The following SHISA9 variants were observed in gnomAD, a reference collection of about 807,000 sequenced individuals.
SHISA9 encodes the protein shisa family member 9.
Under a neutral mutation model 38.0 loss-of-function variants are expected in SHISA9, and 13 were observed. That is an observed-to-expected ratio of 0.34 (90% CI 0.22 to 0.54). SHISA9 has a LOEUF of 0.54. SHISA9 is among the 20% of genes least tolerant of loss of function. SHISA9 has a pLI of 0.91. For missense variants in SHISA9, 538 were observed against 575.8 expected (o/e 0.93, Z 0.67); for synonymous variants, 275 against 242.0 (o/e 1.14, Z -1.27).
the SHISA9 span, among the ~76,000 whole-genome samples, chr16:13,530,770 G>C: frequency 2.0e-5 from 3 of 152,122 alleles, no homozygotes; most frequent in Admixed American, 1.3e-4. Context: ...GCTTGCGGGA[G>C]GCCAACCTGA....
At chr16:13,351,756 C>A in the SHISA9 span, among the ~76,000 whole-genome samples, 1 of 152,136 alleles carries the variant, frequency 6.6e-6, no homozygotes, top group African/African-American at 2.4e-5. Context: ...TCTGATTGCT[C>A]GATATTTCAG....
rs1452287451 is a variant in SHISA9, at chr16:12,927,281, A to C, written c.691+10466A>C. The stretch of plus-strand genomic sequence containing the variant: ...TCTGAGAATGCAGTTAATGAAACTA[A>C]GTATAATCATAATCTGAATATTTCA... On this transcript the variant is annotated intron_variant, in intron 2 of 4. Coordinates refer to ENST00000558583, the MANE Select transcript of SHISA9 (RefSeq NM_001145204.3). Among the ~76,000 whole-genome samples, 3 of 152,234 alleles carry C rather than the reference A, an allele frequency of 2.0e-5. No homozygotes were observed. In the East Asian group the frequency reaches 5.8e-4, roughly 29 times the overall value.
intron 2 of SHISA9, among the ~76,000 whole-genome samples, chr16:13,058,456 T>A (rs2073335480): frequency 6.6e-6 from 1 of 152,162 alleles, no homozygotes; most frequent in Non-Finnish European, 1.5e-5. Context: ...ATGAGGCTCT[T>A]TACACTACTT....
intron 2 of SHISA9, among the ~76,000 whole-genome samples, chr16:13,119,790 A>G (rs7204009): frequency 0.11 from 17,498 of 152,200 alleles, 1,896 homozygotes; most frequent in African/African-American, 0.28. Context: ...ACATGTTACC[A>G]AGTTCTTGGC....
chr16:13,127,282 GAA>G (rs1330218299), intron 2 of SHISA9, among the ~76,000 whole-genome samples: 1 of 140,204 alleles, frequency 7.1e-6, no homozygotes, highest in East Asian at 2.3e-4. Context: ...GGGAGGGAGA[GAA>G]AGAGATGGAG....
chr16:13,027,419 C>T (rs368531819), intron 2 of SHISA9, among the ~76,000 whole-genome samples: 5 of 152,278 alleles, frequency 3.3e-5, no homozygotes, highest in South Asian at 4.2e-4. Flanking sequence ...ACTTAGCATG[C>T]AACCCAGCAA....
the SHISA9 span, among the ~76,000 whole-genome samples, chr16:13,505,602 C>T: frequency 6.6e-6 from 1 of 152,242 alleles, no homozygotes; most frequent in African/African-American, 2.4e-5. Context: ...GGTTCACAGT[C>T]TACAATACTT....
rs538479312 is a variant in SHISA9, at chr16:12,963,279, T to C, written c.691+46464T>C. On this transcript the variant is annotated intron_variant, in intron 2 of 4. Transcript: ENST00000558583. Reference sequence around the variant, plus strand: ...GAGTGCATCTCTGCAGGACCCAGTATTGGGGGTGGAAGGAGATGTAAACAA... The same window carrying C: ...GAGTGCATCTCTGCAGGACCCAGTACTGGGGGTGGAAGGAGATGTAAACAA... Among the ~76,000 whole-genome samples, 57 of 152,260 alleles carry C rather than the reference T, an allele frequency of 3.7e-4. 1 individual carries two copies. The highest frequency in any genetic ancestry group is 1.5e-5 in the Non-Finnish European group (1 of 68,022).
the SHISA9 span, among the ~76,000 whole-genome samples, chr16:13,445,344 A>G: frequency 2.0e-5 from 3 of 152,102 alleles, no homozygotes; most frequent in Non-Finnish European, 2.9e-5. Context: ...AAACAGTTAA[A>G]TTTGAATGAA....
chr16:13,311,430 C>A, the SHISA9 span, among the ~76,000 whole-genome samples: 1 of 152,046 alleles, frequency 6.6e-6, no homozygotes, highest in East Asian at 1.9e-4. Flanking sequence ...CCCTAAATAG[C>A]TTTTACAAAT....
chr16:12,902,033 G>C lies in SHISA9; in HGVS notation c.-32G>C. 1 of 1,429,144 alleles carries C rather than the reference G, an allele frequency of 7.0e-7. No homozygotes were observed. Among genetic ancestry groups the C allele is most frequent in the Non-Finnish European group, 9.1e-7 (1 of 1,098,266 alleles). 88.5% of individuals were successfully genotyped at this position (1,429,144 alleles called of 1,614,324 possible). ...GGCGGCCGCAGAGGCTCCAGCGGCG[G>C]CCGAGCGGCCGAGCCCGGGCTGGGA... On this transcript the variant is annotated 5_prime_UTR_variant, in exon 1 of 5. Coordinates refer to ENST00000558583, the MANE Select transcript of SHISA9 (RefSeq NM_001145204.3).
chr16:13,230,471 T>G (rs750228380), intron 4 of SHISA9, among the ~76,000 whole-genome samples: 6 of 152,140 alleles, frequency 3.9e-5, no homozygotes, highest in Non-Finnish European at 8.8e-5. Context: ...GAGAAGAGGA[T>G]AATGGAGTCA....
the SHISA9 span, among the ~76,000 whole-genome samples, chr16:13,390,642 G>C: frequency 6.6e-6 from 1 of 152,108 alleles, no homozygotes; most frequent in African/African-American, 2.4e-5. Context: ...AGTCTCATCT[G>C]TCAACATGCT....
chr16:13,288,939 G>T, the SHISA9 span, among the ~76,000 whole-genome samples: 1 of 152,150 alleles, frequency 6.6e-6, no homozygotes, highest in Non-Finnish European at 1.5e-5. Context: ...AAGTGAGGGA[G>T]TGAAGGCTTC....
intron 2 of SHISA9, among the ~76,000 whole-genome samples, chr16:13,178,185 A>T (rs1486351837): frequency 6.6e-6 from 1 of 152,182 alleles, no homozygotes. Flanking sequence ...TGCTCAGAGC[A>T]TTCTCCTCCA....
At chr16:13,152,544 A>G in intron 2 of SHISA9, among the ~76,000 whole-genome samples, 1 of 152,230 alleles carries the variant, frequency 6.6e-6, no homozygotes, top group Non-Finnish European at 1.5e-5. Flanking sequence ...GAACTAGCAT[A>G]TCCTGTCACT....
chr16:13,270,768 T>C, the SHISA9 span, among the ~76,000 whole-genome samples: 4 of 152,224 alleles, frequency 2.6e-5, no homozygotes, highest in South Asian at 8.3e-4. Context: ...AAATATGATT[T>C]TTCTGTCTTA....
the SHISA9 span, among the ~76,000 whole-genome samples, chr16:13,414,650 CT>C: frequency 7.7e-5 from 11 of 143,222 alleles, no homozygotes; most frequent in South Asian, 4.3e-4. Flanking sequence ...TTCTTTCTTT[CT>C]TTTTTTTTTT....
chr16:12,928,120 A>G (rs1488035897), intron 2 of SHISA9, among the ~76,000 whole-genome samples: 2 of 152,240 alleles, frequency 1.3e-5, no homozygotes, highest in African/African-American at 4.8e-5. Flanking sequence ...CCTAAGTTAA[A>G]TGAAGTTAGC....
Sources: allele counts gnomAD v4.1 joint callset (sites outside exome capture counted in the v4.1 genomes callset), GRCh38; gene constraint gnomAD v4.1.1; transcripts MANE v1.5; gene names NCBI Gene and HGNC (gene_info 2026-07-23, HGNC 2026-07-21).